The following TENM3 variants were observed in gnomAD, a reference collection of about 807,000 sequenced individuals.
TENM3 encodes the protein teneurin-3.
Under a neutral mutation model 255.1 loss-of-function variants are expected in TENM3, and 63 were observed. The ratio of observed to expected loss-of-function variants is 0.25; its 90% CI spans 0.20 to 0.30. TENM3 has a LOEUF of 0.30. Ranked by LOEUF, TENM3 falls within the 10% of genes least tolerant of loss-of-function variation. The pLI, the probability that TENM3 is intolerant of heterozygous loss-of-function variation, is 1.00. For synonymous variants in TENM3, 1,306 were observed against 1,322.3 expected (o/e 0.99, Z 0.27); for missense variants, 2,929 against 3,461.1 (o/e 0.85, Z 3.86).
At chr4:182,277,320 C>A (rs777119873) in intron 1 of TENM3, among the ~76,000 whole-genome samples, 8 of 150,782 alleles carry the variant, frequency 5.3e-5, no homozygotes, top group Middle Eastern at 6.8e-3. Flanking sequence ...TTATGTTAGG[C>A]AAGTATGTTC....
the TENM3 span, among the ~76,000 whole-genome samples, chr4:182,101,097 AG>A: frequency 1.2e-4 from 7 of 59,044 alleles, no homozygotes; most frequent in East Asian, 4.8e-4. Context: ...GGAGGGAGGG[AG>A]GGAGGGAGGA....
intron 3 of TENM3, among the ~76,000 whole-genome samples, chr4:182,522,287 C>T (rs905980142): frequency 6.6e-6 from 1 of 152,152 alleles, no homozygotes. Context: ...CTTAATCCTC[C>T]TGTCTCACTG....
At chr4:181,895,302 A>G in the TENM3 span, among the ~76,000 whole-genome samples, 1 of 152,038 alleles carries the variant, frequency 6.6e-6, no homozygotes, top group Non-Finnish European at 1.5e-5. Flanking sequence ...AAATTTAAAC[A>G]TCTGTAAAGG....
the TENM3 span, among the ~76,000 whole-genome samples, chr4:181,870,014 C>T: frequency 3.3e-5 from 5 of 152,184 alleles, no homozygotes; most frequent in East Asian, 1.9e-4. Flanking sequence ...GAACAAGCAC[C>T]GTTCTGTCTA....
intron 12 of TENM3, among the ~76,000 whole-genome samples, chr4:182,701,372 A>G (rs1427288931): frequency 6.6e-6 from 1 of 151,230 alleles, no homozygotes; most frequent in Non-Finnish European, 1.5e-5. Flanking sequence ...AGGCGCCCAC[A>G]ACCACACCTG....
chr4:182,056,658 G>C, the TENM3 span, among the ~76,000 whole-genome samples: 1 of 152,244 alleles, frequency 6.6e-6, no homozygotes, highest in Middle Eastern at 3.4e-3. Context: ...CTAAATGCCG[G>C]CAGCTGCATG....
intron 1 of TENM3, among the ~76,000 whole-genome samples, chr4:182,209,924 G>C (rs1298227152): frequency 6.6e-6 from 1 of 152,018 alleles, no homozygotes; most frequent in East Asian, 1.9e-4. Context: ...ACTCATTCAT[G>C]TCTCAGTCCA....
the TENM3 span, among the ~76,000 whole-genome samples, chr4:181,501,217 T>TTA: frequency 6.6e-6 from 1 of 152,054 alleles, no homozygotes; most frequent in African/African-American, 2.4e-5. Context: ...AGGCAGCTGT[T>TTA]TCAGACCTCC....
At chr4:182,160,211 C>T (rs1192953568) in intron 1 of TENM3, among the ~76,000 whole-genome samples, 2 of 151,606 alleles carry the variant, frequency 1.3e-5, no homozygotes, top group Non-Finnish European at 2.9e-5. Context: ...ACCGTGTTAG[C>T]CAGGATGGTC....
At chr4:182,144,589 TCCCCGCCCCCG>T, upstream of TENM3, 1 of 145,566 alleles carries the variant, frequency 6.9e-6, no homozygotes, top group Admixed American at 6.8e-5. Context: ...TCGCGCCCCC[TCCCCGCCCCCG>T]CCCCGCCGGC....
At chr4:182,620,903 A>G (rs1750061279) in intron 4 of TENM3, among the ~76,000 whole-genome samples, 1 of 152,028 alleles carries the variant, frequency 6.6e-6, no homozygotes, top group South Asian at 2.1e-4. Flanking sequence ...TAATTTTTAA[A>G]AAAGTTTTTA....
rs189287132 is a variant in TENM3, at chr4:182,213,947, G to T, written c.-76+69193G>T. Among the ~76,000 whole-genome samples, 4 of 151,970 alleles carry T rather than the reference G, an allele frequency of 2.6e-5. No homozygotes were observed. In the East Asian group the frequency reaches 5.8e-4, roughly 22 times the overall value. Reference sequence around the variant, plus strand: ...CTCCCGAGTAGCTGGGACTACAGGCGCCCGCCACCACGCCTGGCTAATTTT... The same window carrying T: ...CTCCCGAGTAGCTGGGACTACAGGCTCCCGCCACCACGCCTGGCTAATTTT... On this transcript the variant is annotated intron_variant, in intron 1 of 2. Coordinates refer to the TENM3 transcript ENST00000512480.
At chr4:182,714,283 TA>T in intron 13 of TENM3, 50 bp downstream of exon 13, 1 of 1,308,060 alleles carries the variant, frequency 7.6e-7, no homozygotes, top group Non-Finnish European at 1.0e-6. Flanking sequence ...CACAGGTTCG[TA>T]AGTGACAGTG....
At chr4:182,152,785 TG>T (rs1750433523) in intron 1 of TENM3, among the ~76,000 whole-genome samples, 1 of 151,800 alleles carries the variant, frequency 6.6e-6, no homozygotes, top group Non-Finnish European at 1.5e-5. Flanking sequence ...TTTTCTATAT[TG>T]TTTTAATTAG....
chr4:181,651,154 G>A, the TENM3 span, among the ~76,000 whole-genome samples: 3 of 152,152 alleles, frequency 2.0e-5, no homozygotes, highest in Non-Finnish European at 2.9e-5. Flanking sequence ...ACTTTACAAC[G>A]TCTATTGATG....
At chr4:181,715,169 C>A in the TENM3 span, among the ~76,000 whole-genome samples, 3,231 of 152,270 alleles carry the variant, frequency 0.021, 118 homozygotes, top group African/African-American at 0.074. Flanking sequence ...TTACTTCATT[C>A]TTTCACTTAA....
the TENM3 span, among the ~76,000 whole-genome samples, chr4:181,959,229 C>T: frequency 3.9e-5 from 6 of 152,170 alleles, no homozygotes; most frequent in Admixed American, 3.3e-4. Context: ...GTCCCAGTCC[C>T]CACATTCCAG....
At chr4:182,579,095 T>G (rs761298969) in intron 3 of TENM3, among the ~76,000 whole-genome samples, 18 of 152,226 alleles carry the variant, frequency 1.2e-4, no homozygotes, top group Non-Finnish European at 2.1e-4. Context: ...TACACCTGCC[T>G]TCTTCTGTAT....
chr4:182,535,270 C>T (rs1161207429), intron 3 of TENM3, among the ~76,000 whole-genome samples: 1 of 152,138 alleles, frequency 6.6e-6, no homozygotes, highest in Non-Finnish European at 1.5e-5. Flanking sequence ...AACTCTGACC[C>T]TCACGTACAT....
Sources: gnomAD v4.1 joint callset for allele counts (sites outside exome capture counted in the v4.1 genomes callset) on GRCh38, gnomAD v4.1.1 for gene constraint, MANE v1.5 for transcripts, NCBI Gene and HGNC (gene_info 2026-07-23, HGNC 2026-07-21) for gene names.